Variants in GOSR1 observed in about 807,000 individuals in gnomAD.
GOSR1 encodes golgi SNAP receptor complex member 1, also known as 28 kDa Golgi SNARE protein.
In GOSR1, 21 loss-of-function variants were observed where a neutral mutation model predicts 35.5. The observed-to-expected ratio is 0.59, with a 90% confidence interval of 0.42 to 0.85. The LOEUF (loss-of-function observed/expected upper bound fraction) is 0.85, where lower values mean the gene tolerates loss of function less well. Ranked by LOEUF, GOSR1 falls within the 40% of genes least tolerant of loss-of-function variation. The probability of loss-of-function intolerance (pLI) is 0.00; values close to 1 mark genes in which losing one functional copy is unlikely to be tolerated. For missense variants in GOSR1, 285 were observed against 309.6 expected (o/e 0.92, Z 0.60); for synonymous variants, 94 against 106.6 (o/e 0.88, Z 0.73).
chr17:30,509,694 GTTTC>G (rs1443265718), intron 6 of GOSR1, among the ~76,000 whole-genome samples: 2 of 151,914 alleles, frequency 1.3e-5, no homozygotes, highest in Non-Finnish European at 2.9e-5. Flanking sequence ...GGCTTTGTTT[GTTTC>G]TTTCTTTCCA....
intron 1 of GOSR1, 106 bp from the exon 2 acceptor site, chr17:30,481,035 CAA>C: frequency 4.1e-6 from 3 of 732,364 alleles, no homozygotes; most frequent in Non-Finnish European, 2.4e-6. Context: ...ATGGGGGTAA[CAA>C]GATCAGTATA....
Position 30,522,460 on chromosome 17 carries a change from C to A in GOSR1, c.*82C>A. The A allele has an allele frequency of 8.4e-7, 1 of 1,189,802 alleles. No homozygotes were observed. The highest frequency in any genetic ancestry group is 1.2e-6 in the Non-Finnish European group (1 of 861,128). The allele number at this position is 1,189,802 out of a possible 1,614,324, so 73.7% of individuals were successfully genotyped here. ...AGGAAACATCGGAGGGAGAAGTTGA[C>A]TGTCTTGATAATTAGCCTGACCAGC... On this transcript the variant is annotated 3_prime_UTR_variant, in exon 9 of 9. Coordinates refer to ENST00000451249, the MANE Select transcript of GOSR1 (RefSeq NM_001007025.2).
intron 1 of GOSR1, 91 bp from the exon 2 acceptor site, chr17:30,481,052 C>T (rs1254620654): frequency 2.4e-6 from 2 of 846,326 alleles, no homozygotes; most frequent in Non-Finnish European, 4.0e-6. Flanking sequence ...AGTATATGAT[C>T]ATTTTCATAG....
intron 7 of GOSR1, among the ~76,000 whole-genome samples, chr17:30,519,144 C>G (rs12944483): frequency 6.6e-6 from 1 of 151,806 alleles, no homozygotes; most frequent in South Asian, 2.1e-4. Context: ...CGCTGTAGCC[C>G]CCCCCTCCTG....
rs1350491560 is a variant in GOSR1, at chr17:30,510,220, C to T, written c.510-660C>T. On this transcript the variant is annotated intron_variant, in intron 6 of 8. Coordinates refer to ENST00000451249, the MANE Select transcript of GOSR1 (RefSeq NM_001007025.2). ...TGCCGAGTAGCTGGGACTACAGGCA[C>T]ACATTAGCATACCCAGCTAATGTTT... Among the ~76,000 whole-genome samples, 7 of 151,972 alleles carry T rather than the reference C, an allele frequency of 4.6e-5. No individual in the cohort carries two copies. In the East Asian group the frequency reaches 1.4e-3, roughly 30 times the overall value.
At chr17:30,520,519 C>T (rs1033541279) in intron 8 of GOSR1, 3 of 152,228 alleles carry the variant, frequency 2.0e-5, no homozygotes, top group African/African-American at 7.2e-5. Flanking sequence ...ACATTCTCCA[C>T]TTGTTTGTTG....
intron 7 of GOSR1, among the ~76,000 whole-genome samples, chr17:30,518,548 T>C (rs1231303326): frequency 6.6e-6 from 1 of 152,186 alleles, no homozygotes; most frequent in Non-Finnish European, 1.5e-5. Flanking sequence ...CATATCAAAG[T>C]GGATACTGAC....
chr17:30,482,375 G>A (rs1914413478), intron 2 of GOSR1, among the ~76,000 whole-genome samples: 1 of 152,074 alleles, frequency 6.6e-6, no homozygotes, highest in African/African-American at 2.4e-5. Context: ...TAATAATTTT[G>A]ATAGCTGACA....
intron 6 of GOSR1, among the ~76,000 whole-genome samples, chr17:30,502,185 A>G (rs1967235395): frequency 6.6e-6 from 1 of 152,214 alleles, no homozygotes; most frequent in Admixed American, 6.5e-5. Context: ...AGCAATTCTC[A>G]GGGGTTGAGG....
At chr17:30,509,903 C>A (rs1967552390) in intron 6 of GOSR1, among the ~76,000 whole-genome samples, 2 of 152,150 alleles carry the variant, frequency 1.3e-5, no homozygotes, top group Admixed American at 1.3e-4. Flanking sequence ...CCTGTCTCAA[C>A]AAGTTGGTTC....
Position 30,477,557 on chromosome 17 carries a change from G to C in GOSR1, c.31+93G>C, listed in dbSNP as rs969072775. 8.2e-6 allele frequency: 12 copies of C among 1,456,876 alleles called. No individual in the cohort carries two copies. In the African/African-American group the frequency reaches 1.3e-4, roughly 16 times the overall value. The allele number at this position is 1,456,876 out of a possible 1,614,324, so 90.2% of individuals were successfully genotyped here. ...GGAGAAGCAGCACAGGAAAGAACCA[G>C]ACTCCCGGAGCGGCCGAGCTGAGCA... On this transcript the variant is annotated intron_variant, in intron 1 of 8. Coordinates refer to ENST00000451249, the MANE Select transcript of GOSR1 (RefSeq NM_001007025.2).
chr17:30,487,125 A>G (rs1162466418), intron 4 of GOSR1, among the ~76,000 whole-genome samples: 2 of 152,298 alleles, frequency 1.3e-5, no homozygotes, highest in East Asian at 3.9e-4. Flanking sequence ...AATAAATAAA[A>G]ACAATTAAAC....
chr17:30,478,518 T>C (rs1022610014), intron 1 of GOSR1: 1 of 152,182 alleles, frequency 6.6e-6, no homozygotes, highest in Non-Finnish European at 1.5e-5. Flanking sequence ...AAAACATGTA[T>C]TACAATGCCC....
chr17:30,505,809 A>G (rs1003785962), intron 6 of GOSR1, among the ~76,000 whole-genome samples: 75 of 152,102 alleles, frequency 4.9e-4, no homozygotes, highest in African/African-American at 1.4e-3. Flanking sequence ...GCCCACTGCA[A>G]CCTCCACCTT....
intron 6 of GOSR1, among the ~76,000 whole-genome samples, chr17:30,501,126 C>T (rs111286953): frequency 9.2e-5 from 14 of 152,074 alleles, no homozygotes; most frequent in South Asian, 4.2e-4. Context: ...GTGATCCGCC[C>T]GCCTCGGCCT....
chr17:30,527,494 G>A lies in GOSR1; in HGVS notation c.*5116G>A, dbSNP rs918537230. 1 of 152,112 alleles carries A rather than the reference G, an allele frequency of 6.6e-6. No homozygotes were observed. Among genetic ancestry groups the A allele is most frequent in the Non-Finnish European group, 1.5e-5 (1 of 68,034 alleles). The allele number at this position is 152,112 out of a possible 1,614,324, so 9.4% of individuals were successfully genotyped here. On this transcript the variant is annotated 3_prime_UTR_variant, in exon 9 of 9. Coordinates refer to ENST00000451249, the MANE Select transcript of GOSR1 (RefSeq NM_001007025.2). ...CTTCTATAAAATGGTGATAAGGATG[G>A]CTACCATAATTGTGCCCTGATTATA... is the stretch of plus-strand genomic sequence containing the variant.
rs974410467 is a variant in GOSR1, at chr17:30,527,480, T to C, written c.*5102T>C. 1.3e-5 allele frequency: 2 copies of C among 152,184 alleles called. No individual in the cohort carries two copies. Among genetic ancestry groups the C allele is most frequent in the Non-Finnish European group, 2.9e-5 (2 of 68,044 alleles). The allele number at this position is 152,184 out of a possible 1,614,324, so 9.4% of individuals were successfully genotyped here. On this transcript the variant is annotated 3_prime_UTR_variant, in exon 9 of 9. Coordinates refer to ENST00000451249, the MANE Select transcript of GOSR1 (RefSeq NM_001007025.2). ...AGTGATCAATTCCTCTTCTATAAAA[T>C]GGTGATAAGGATGGCTACCATAATT...
At chr17:30,507,095 C>CA (rs1967427555) in intron 6 of GOSR1, among the ~76,000 whole-genome samples, 1 of 152,192 alleles carries the variant, frequency 6.6e-6, no homozygotes, top group African/African-American at 2.4e-5. Context: ...TGCCAGCCGA[C>CA]ACAGCATTCA....
At chr17:30,521,167 C>CCTT (rs1555617867) in intron 8 of GOSR1, among the ~76,000 whole-genome samples, 3 of 64,208 alleles carry the variant, frequency 4.7e-5, no homozygotes, top group African/African-American at 2.3e-4. Flanking sequence ...TTCTCTCTCT[C>CCTT]TTTTTTTTTT....
Sources: gnomAD v4.1 joint callset for allele counts (sites outside exome capture counted in the v4.1 genomes callset) on GRCh38, gnomAD v4.1.1 for gene constraint, MANE v1.5 for transcripts, NCBI Gene and HGNC (gene_info 2026-07-23, HGNC 2026-07-21) for gene names.